The following STX8 variants were observed in gnomAD, a reference collection of about 807,000 sequenced individuals.
The protein encoded by STX8 is syntaxin-8.
Under a neutral mutation model 37.5 loss-of-function variants are expected in STX8, and 23 were observed. The observed-to-expected ratio is 0.61, with a 90% CI of 0.44 to 0.87. STX8 has a LOEUF of 0.87. STX8 is among the 40% of genes least tolerant of loss of function. The pLI is 0.00. For synonymous variants in STX8, 115 were observed against 99.1 expected (o/e 1.16, Z -0.95); for missense variants, 313 against 284.7 (o/e 1.10, Z -0.71).
chr17:9,313,833 T>G (rs1419554325), intron 7 of STX8, among the ~76,000 whole-genome samples: 1 of 152,194 alleles, frequency 6.6e-6, no homozygotes, highest in Non-Finnish European at 1.5e-5. Flanking sequence ...GGTTTCACTA[T>G]GTTAGCCAGG....
At chr17:9,421,650 G>T (rs1913433771) in intron 6 of STX8, among the ~76,000 whole-genome samples, 1 of 151,712 alleles carries the variant, frequency 6.6e-6, no homozygotes, top group Non-Finnish European at 1.5e-5. Context: ...GTGGCATTTA[G>T]TACATCTGCA....
chr17:9,273,161 A>C (rs1228155058), intron 7 of STX8: 1 of 152,264 alleles, frequency 6.6e-6, no homozygotes, highest in Non-Finnish European at 1.5e-5. Flanking sequence ...AATGACATAG[A>C]GGCAGGAACT....
chr17:9,269,649 A>G (rs1425874610), intron 7 of STX8, among the ~76,000 whole-genome samples: 1 of 152,234 alleles, frequency 6.6e-6, no homozygotes. Context: ...GGCTTATATT[A>G]AACATGGTCT....
chr17:9,506,422 C>CCCG (rs1286101644), intron 4 of STX8, among the ~76,000 whole-genome samples: 3 of 109,408 alleles, frequency 2.7e-5, no homozygotes, highest in African/African-American at 1.2e-4. Flanking sequence ...CCCCCCCCCA[C>CCCG]CCACCTTTCT....
At chr17:9,390,327 G>C (rs962355485) in intron 6 of STX8, among the ~76,000 whole-genome samples, 20 of 151,458 alleles carry the variant, frequency 1.3e-4, no homozygotes, top group Non-Finnish European at 7.4e-5. Flanking sequence ...TTGAAGACCA[G>C]CCTGACCAAT....
At chr17:9,427,044 T>G (rs1226213506) in intron 6 of STX8, among the ~76,000 whole-genome samples, 1 of 152,194 alleles carries the variant, frequency 6.6e-6, no homozygotes, top group Non-Finnish European at 1.5e-5. Context: ...CTTCCCAAAG[T>G]TCACATTTCC....
chr17:9,381,839 T>A (rs1486054270), intron 6 of STX8, among the ~76,000 whole-genome samples: 1 of 152,068 alleles, frequency 6.6e-6, no homozygotes, highest in Non-Finnish European at 1.5e-5. Context: ...CATGGTGGCG[T>A]GCGCCTGTAA....
At chr17:9,368,832 T>C (rs1272774288) in intron 7 of STX8, among the ~76,000 whole-genome samples, 1 of 152,132 alleles carries the variant, frequency 6.6e-6, no homozygotes, top group East Asian at 1.9e-4. Flanking sequence ...CTTGGCTGAC[T>C]CAGACCCGTC....
intron 7 of STX8, among the ~76,000 whole-genome samples, chr17:9,266,758 G>A (rs1045697714): frequency 5.3e-5 from 8 of 152,130 alleles, no homozygotes; most frequent in East Asian, 1.9e-4. Context: ...CAAGGGCCAC[G>A]GTGGGGAGGG....
At chr17:9,270,550 A>G (rs1907419190) in intron 7 of STX8, among the ~76,000 whole-genome samples, 1 of 152,260 alleles carries the variant, frequency 6.6e-6, no homozygotes, top group East Asian at 1.9e-4. Context: ...AACCGTGCCC[A>G]GTCTCAAAGG....
At chr17:9,456,790 T>C (rs1905197759) in intron 6 of STX8, among the ~76,000 whole-genome samples, 1 of 152,160 alleles carries the variant, frequency 6.6e-6, no homozygotes. Context: ...CAAACATCTT[T>C]TGTGTCTTTT....
At chr17:9,430,163 A>ATATAATTTATATATAAATAAAATATAAAT (rs1555526715) in intron 6 of STX8, among the ~76,000 whole-genome samples, 16,254 of 106,682 alleles carry the variant, frequency 0.15, 1,831 homozygotes, top group Non-Finnish European at 0.21. Context: ...AAAATATAAA[A>ATATAATTTATATATAAATAAAATATAAAT]TATATATAAT....
At chr17:9,430,767 A>C (rs556513631) in intron 6 of STX8, among the ~76,000 whole-genome samples, 85 of 151,342 alleles carry the variant, frequency 5.6e-4, no homozygotes, top group African/African-American at 2.0e-3. Flanking sequence ...CTCCTGCCTC[A>C]ACCTCCCAAG....
At chr17:9,457,416 A>G (rs941959303) in intron 6 of STX8, among the ~76,000 whole-genome samples, 1 of 152,168 alleles carries the variant, frequency 6.6e-6, no homozygotes, top group Non-Finnish European at 1.5e-5. Flanking sequence ...CTCACATCAC[A>G]TCACTCTAAC....
At chr17:9,545,573 G>A (rs1252082768) in intron 3 of STX8, among the ~76,000 whole-genome samples, 3 of 151,968 alleles carry the variant, frequency 2.0e-5, no homozygotes, top group African/African-American at 7.2e-5. Context: ...TTTCCTCCCC[G>A]TGACCAAACT....
Position 9,487,769 on chromosome 17 carries a change from A to C in STX8, c.541+4060T>G, listed in dbSNP as rs144227116. 3.3e-3 allele frequency among the ~76,000 whole-genome samples: 499 copies of C among 152,322 alleles called. 2 individuals are homozygous for C. Among genetic ancestry groups the C allele is most frequent in the Non-Finnish European group, 5.6e-3 (382 of 68,032 alleles). ...AAAAGGGATAGGGGCAAAATGTGCG[A>C]GTCGAAGGACCTCTGACTGTGACTG... On this transcript the variant is annotated intron_variant, in intron 6 of 7. Coordinates refer to ENST00000306357, the MANE Select transcript of STX8 (RefSeq NM_004853.3).
intron 3 of STX8, chr17:9,548,605 G>T (rs1156410625): frequency 1.3e-5 from 2 of 152,148 alleles, no homozygotes; most frequent in Non-Finnish European, 2.9e-5. Flanking sequence ...TAAGTAACTA[G>T]TGTATGTAAA....
At chr17:9,270,332 CCGT>C (rs1454757089) in intron 7 of STX8, among the ~76,000 whole-genome samples, 2 of 152,188 alleles carry the variant, frequency 1.3e-5, no homozygotes, top group Non-Finnish European at 2.9e-5. Context: ...GCAAGCACCG[CCGT>C]CTCCTGGGTT....
chr17:9,574,106 A>G (rs1448165164), intron 1 of STX8, among the ~76,000 whole-genome samples: 3 of 151,988 alleles, frequency 2.0e-5, no homozygotes, highest in African/African-American at 4.8e-5. Context: ...CCCTGTCTCT[A>G]CTAAAATACA....
Sources: allele counts gnomAD v4.1 joint callset (sites outside exome capture counted in the v4.1 genomes callset), GRCh38; gene constraint gnomAD v4.1.1; transcripts MANE v1.5; gene names NCBI Gene and HGNC (gene_info 2026-07-23, HGNC 2026-07-21).